CHCHD6: variants seen among roughly 807,000 people sequenced by gnomAD.
CHCHD6 encodes coiled-coil-helix-coiled-coil-helix domain containing 6, also known as MICOS complex subunit MIC25.
Under a neutral mutation model 32.3 loss-of-function variants are expected in CHCHD6, and 28 were observed. That is an observed-to-expected ratio of 0.87 (90% CI 0.64 to 1.19). The LOEUF is 1.19. Among genes scored for constraint, CHCHD6 ranks in the 50% most tolerant of loss-of-function variants. The pLI is 0.00. For missense variants in CHCHD6, 333 were observed against 307.0 expected, an observed-to-expected ratio of 1.08 and a Z score of -0.63; for synonymous variants, 122 against 117.5, an observed-to-expected ratio of 1.04 and a Z score of -0.25.
intron 5 of CHCHD6, among the ~76,000 whole-genome samples, chr3:126,867,884 C>T (rs1240863012): frequency 6.6e-6 from 1 of 152,240 alleles, no homozygotes; most frequent in Non-Finnish European, 1.5e-5. Context: ...TGGCATCCAC[C>T]TGTTTCAGGC....
At chr3:126,709,727 C>G (rs1934666787) in intron 1 of CHCHD6, among the ~76,000 whole-genome samples, 2 of 152,224 alleles carry the variant, frequency 1.3e-5, no homozygotes, top group South Asian at 2.1e-4. Flanking sequence ...TTTGAATTTG[C>G]ATTTCCCTAA....
intron 4 of CHCHD6, among the ~76,000 whole-genome samples, chr3:126,744,263 G>A (rs1211237848): frequency 1.3e-5 from 2 of 152,166 alleles, no homozygotes; most frequent in Admixed American, 6.5e-5. Context: ...CATGGTTTTT[G>A]GGGAGCTACC....
intron 5 of CHCHD6, chr3:126,865,861 C>T (rs1303248000): frequency 1.7e-6 from 1 of 593,712 alleles, no homozygotes; most frequent in Non-Finnish European, 2.1e-6. Context: ...CTCTCTTGCA[C>T]TCTAGAGAGG....
intron 6 of CHCHD6, among the ~76,000 whole-genome samples, chr3:126,955,384 C>T (rs1012861710): frequency 5.3e-5 from 8 of 152,352 alleles, no homozygotes; most frequent in African/African-American, 1.9e-4. Flanking sequence ...GATAAAACCC[C>T]CCCCACCCAG....
At chr3:126,822,882 T>C (rs1020726492) in intron 4 of CHCHD6, among the ~76,000 whole-genome samples, 2 of 152,160 alleles carry the variant, frequency 1.3e-5, no homozygotes, top group African/African-American at 4.8e-5. Context: ...ATGGTAGTTG[T>C]AATTATCTTG....
chr3:126,782,148 A>G (rs1937975463), intron 4 of CHCHD6, among the ~76,000 whole-genome samples: 1 of 152,240 alleles, frequency 6.6e-6, no homozygotes. Flanking sequence ...CAACAAGCCA[A>G]TGATTAATTG....
At chr3:126,711,355 T>C (rs1308971892) in intron 1 of CHCHD6, among the ~76,000 whole-genome samples, 1 of 152,230 alleles carries the variant, frequency 6.6e-6, no homozygotes, top group African/African-American at 2.4e-5. Flanking sequence ...TTTTCCGCCA[T>C]GTGGTTGCCT....
rs549913119 is a variant in CHCHD6 at position 126,711,529 on chromosome 3, G to A, written c.87+7130G>A. On this transcript the variant is annotated intron_variant, in intron 1 of 7. Coordinates refer to ENST00000290913, the MANE Select transcript of CHCHD6 (RefSeq NM_032343.3). ...TTCACTCTAGAATGTCTGCTTTTTG[G>A]TTGCAGCATTCATCTTAGTTGACTC... Among the ~76,000 whole-genome samples, 8 of 152,242 alleles carry A rather than the reference G, an allele frequency of 5.3e-5. No homozygotes were observed. In the South Asian group the frequency reaches 1.0e-3, roughly 20 times the overall value.
intron 4 of CHCHD6, among the ~76,000 whole-genome samples, chr3:126,839,659 T>C (rs1940993346): frequency 6.6e-6 from 1 of 152,152 alleles, no homozygotes; most frequent in Non-Finnish European, 1.5e-5. Flanking sequence ...AGTTCAGTCC[T>C]TGTCATACTC....
At chr3:126,723,943 A>T (rs1935425161) in intron 1 of CHCHD6, among the ~76,000 whole-genome samples, 1 of 152,104 alleles carries the variant, frequency 6.6e-6, no homozygotes, top group Non-Finnish European at 1.5e-5. Flanking sequence ...ACTCTTAAGG[A>T]TTTTTATCCT....
chr3:126,707,214 C>T (rs550095814), intron 1 of CHCHD6, among the ~76,000 whole-genome samples: 12 of 150,086 alleles, frequency 8.0e-5, no homozygotes, highest in South Asian at 4.2e-4. Context: ...TGCAGTGAGC[C>T]GAGATTATGC....
intron 5 of CHCHD6, among the ~76,000 whole-genome samples, chr3:126,908,966 G>A (rs758644809): frequency 1.4e-4 from 21 of 152,186 alleles, no homozygotes; most frequent in Non-Finnish European, 2.9e-4. Context: ...GTCTGACCAC[G>A]GCATGCACAC....
chr3:126,939,164 C>G (rs986793015), intron 6 of CHCHD6, among the ~76,000 whole-genome samples: 11 of 152,134 alleles, frequency 7.2e-5, no homozygotes, highest in African/African-American at 2.7e-4. Context: ...AGCCTGCCTC[C>G]AGAATCCACC....
At chr3:126,844,748 T>C (rs74900961) in intron 4 of CHCHD6, among the ~76,000 whole-genome samples, 4,556 of 152,314 alleles carry the variant, frequency 0.03, 98 homozygotes, top group Non-Finnish European at 0.039. Flanking sequence ...AAAGGAACTT[T>C]GCAGGTGTGA....
intron 4 of CHCHD6, among the ~76,000 whole-genome samples, chr3:126,799,081 T>C (rs2107689668): frequency 6.6e-6 from 1 of 152,344 alleles, no homozygotes; most frequent in African/African-American, 2.4e-5. Flanking sequence ...CTTGGCCCTT[T>C]GTTAACATTG....
At chr3:126,954,299 C>A (rs1043074102) in intron 6 of CHCHD6, among the ~76,000 whole-genome samples, 1 of 152,164 alleles carries the variant, frequency 6.6e-6, no homozygotes, top group Non-Finnish European at 1.5e-5. Context: ...TGTCCTGGGA[C>A]CTGAAACTAA....
intron 4 of CHCHD6, among the ~76,000 whole-genome samples, chr3:126,752,252 G>A (rs964967376): frequency 3.9e-5 from 6 of 152,174 alleles, no homozygotes; most frequent in Non-Finnish European, 7.3e-5. Context: ...CCTGGGAAAC[G>A]GTTTTCTCCA....
chr3:126,733,777 ATTG>A (rs1935918967), intron 4 of CHCHD6, among the ~76,000 whole-genome samples: 1 of 152,266 alleles, frequency 6.6e-6, no homozygotes, highest in East Asian at 1.9e-4. Flanking sequence ...GGAGTGCACT[ATTG>A]TTGTTATCAT....
intron 5 of CHCHD6, among the ~76,000 whole-genome samples, chr3:126,863,749 T>C: frequency 6.8e-6 from 1 of 146,162 alleles, no homozygotes; most frequent in Non-Finnish European, 1.5e-5. Flanking sequence ...CACCACCTCC[T>C]CTTCCACCAC....
Sources: allele counts gnomAD v4.1 joint callset (sites outside exome capture counted in the v4.1 genomes callset), GRCh38; gene constraint gnomAD v4.1.1; transcripts MANE v1.5; gene names NCBI Gene and HGNC (gene_info 2026-07-23, HGNC 2026-07-21).